The following CCDC171 variants were observed in gnomAD, a reference collection of about 807,000 sequenced individuals.
CCDC171 encodes the protein coiled-coil domain containing 171.
A neutral mutation model predicts 168.2 loss-of-function variants in CCDC171; 177 were observed. The observed-to-expected ratio is 1.05, with a 90% CI of 0.93 to 1.19. The LOEUF is 1.19. Ranked by LOEUF, CCDC171 falls within the 50% of genes most tolerant of loss-of-function variation. CCDC171 has a pLI of 0.00. For missense variants in CCDC171, 1,991 were observed against 1,539.0 expected (o/e 1.29, Z -4.91); for synonymous variants, 687 against 540.8 (o/e 1.27, Z -3.75).
chr9:15,909,089 C>T (rs1186380594), intron 24 of CCDC171, among the ~76,000 whole-genome samples: 2 of 152,110 alleles, frequency 1.3e-5, no homozygotes, highest in Non-Finnish European at 2.9e-5. Flanking sequence ...TTATATAAGT[C>T]TTTAAAAATA....
intron 18 of CCDC171, among the ~76,000 whole-genome samples, chr9:15,750,589 C>G (rs146219764): frequency 6.6e-6 from 1 of 151,156 alleles, no homozygotes; most frequent in Non-Finnish European, 1.5e-5. Context: ...CAAACCGAAT[C>G]CAGCAGCACA....
At chr9:15,958,682 A>C (rs10756726) in intron 25 of CCDC171, among the ~76,000 whole-genome samples, 47,361 of 151,804 alleles carry the variant, frequency 0.31, 9,236 homozygotes, top group East Asian at 0.62. Flanking sequence ...GGCAGCATGC[A>C]AAAGTGGCTC....
At position 15,819,229 on chromosome 9, in the gene CCDC171, C is replaced by T; in HGVS notation, c.3268-27473C>T. ...GGAAAGGAACAACTGGTACTAGCCA[C>T]TGCCAAAACATGCCAAATTGTAAAG... On this transcript the variant is annotated intron_variant, in intron 21 of 25. Transcript: ENST00000380701. Among the ~76,000 whole-genome samples the T allele has an allele frequency of 1.7e-5, 2 of 118,150 alleles. 1 individual carries two copies. The highest frequency in any genetic ancestry group is 3.8e-5 in the Non-Finnish European group (2 of 52,584). The allele number at this position is 118,150 out of a possible 152,430, so 77.5% of individuals were successfully genotyped here.
intron 3 of CCDC171, among the ~76,000 whole-genome samples, chr9:15,979,969 T>C (rs1831743312): frequency 6.6e-6 from 1 of 152,028 alleles, no homozygotes; most frequent in Non-Finnish European, 1.5e-5. Flanking sequence ...TGTGGTAAAA[T>C]ATACATAACA....
At chr9:15,914,635 C>T (rs1036780416) in intron 24 of CCDC171, among the ~76,000 whole-genome samples, 1 of 152,062 alleles carries the variant, frequency 6.6e-6, no homozygotes, top group African/African-American at 2.4e-5. Context: ...TGGCTTCAGG[C>T]CCCTTTCCAG....
chr9:15,998,122 C>T (rs1832427364), intron 3 of CCDC171, among the ~76,000 whole-genome samples: 1 of 152,134 alleles, frequency 6.6e-6, no homozygotes, highest in South Asian at 2.1e-4. Flanking sequence ...ACACCAAGTC[C>T]CCCAGAGAGA....
At chr9:16,029,884 T>C (rs971908794) in intron 6 of CCDC171, among the ~76,000 whole-genome samples, 6 of 152,214 alleles carry the variant, frequency 3.9e-5, no homozygotes, top group East Asian at 1.9e-4. Flanking sequence ...TGGGCTGTTA[T>C]GGCAAAATAC....
intron 18 of CCDC171, among the ~76,000 whole-genome samples, chr9:15,768,145 T>C (rs1308393342): frequency 6.6e-6 from 1 of 150,792 alleles, no homozygotes; most frequent in African/African-American, 2.4e-5. Flanking sequence ...AACCTAGACC[T>C]CATTCTTGAA....
chr9:15,629,409 C>T (rs2045479995), intron 7 of CCDC171, among the ~76,000 whole-genome samples: 1 of 152,066 alleles, frequency 6.6e-6, no homozygotes, highest in African/African-American at 2.4e-5. Context: ...ATGCTATCAA[C>T]TGGAAGAAAG....
chr9:15,929,801 A>G (rs551142216), intron 25 of CCDC171, among the ~76,000 whole-genome samples: 1 of 151,884 alleles, frequency 6.6e-6, no homozygotes, highest in South Asian at 2.1e-4. Flanking sequence ...AACATTTTCA[A>G]ACTTTTAAAG....
intron 2 of CCDC171, among the ~76,000 whole-genome samples, chr9:15,566,576 A>C (rs1176623883): frequency 1.3e-5 from 2 of 152,210 alleles, no homozygotes; most frequent in South Asian, 2.1e-4. Flanking sequence ...ACAACAACAA[A>C]AAATAAGATA....
the CCDC171 span, among the ~76,000 whole-genome samples, chr9:16,092,048 A>G: frequency 1.3e-5 from 2 of 152,158 alleles, no homozygotes; most frequent in African/African-American, 4.8e-5. Flanking sequence ...TGGTACATTT[A>G]TCCCAATTTT....
At chr9:15,869,970 C>A (rs2061964890) in intron 23 of CCDC171, among the ~76,000 whole-genome samples, 1 of 151,638 alleles carries the variant, frequency 6.6e-6, no homozygotes, top group Non-Finnish European at 1.5e-5. Flanking sequence ...AGGGGATGAC[C>A]AAGTTTTTCT....
chr9:16,099,298 T>G, the CCDC171 span, among the ~76,000 whole-genome samples: 1 of 152,188 alleles, frequency 6.6e-6, no homozygotes, highest in Non-Finnish European at 1.5e-5. Context: ...CCTGGTTTAT[T>G]CTGCTAAGTT....
chr9:15,985,061 CATATTTTTA>C lies in CCDC171; in HGVS notation n.369-35527_369-35519del, dbSNP rs146793631. On this transcript the variant is annotated intron_variant and non_coding_transcript_variant, in intron 3 of 9. Coordinates refer to the CCDC171 transcript ENST00000486641. Reference sequence around the variant, plus strand: ...AATTATGAATAATTTTTATTTTCTTCATATTTTTATAAATTTCTAAATTTCCTACAATGA... The same window carrying C: ...AATTATGAATAATTTTTATTTTCTTCTAAATTTCTAAATTTCCTACAATGA... Among the ~76,000 whole-genome samples the C allele has an allele frequency of 5.3e-3, 807 of 152,118 alleles. 3 individuals are homozygous for C. The highest frequency in any genetic ancestry group is 9.3e-3 in the Non-Finnish European group (634 of 67,982).
chr9:15,645,310 A>C (rs915738004), intron 7 of CCDC171, among the ~76,000 whole-genome samples: 7 of 150,296 alleles, frequency 4.7e-5, no homozygotes, highest in Non-Finnish European at 8.9e-5. Flanking sequence ...GAAAAGCTGA[A>C]AATTCTAAAA....
chr9:15,750,457 C>T (rs919416833), intron 18 of CCDC171, among the ~76,000 whole-genome samples: 1 of 152,164 alleles, frequency 6.6e-6, no homozygotes, highest in African/African-American at 2.4e-5. Flanking sequence ...TCCTCCCTAA[C>T]TCCTTTTATG....
chr9:15,853,933 G>A (rs997545692), intron 23 of CCDC171, among the ~76,000 whole-genome samples: 10 of 149,732 alleles, frequency 6.7e-5, no homozygotes, highest in African/African-American at 2.4e-4. Context: ...ACACCATTGT[G>A]TTCCTGAGAT....
chr9:15,576,692 G>T (rs924813953), intron 3 of CCDC171, among the ~76,000 whole-genome samples: 1 of 152,198 alleles, frequency 6.6e-6, no homozygotes, highest in Non-Finnish European at 1.5e-5. Flanking sequence ...AAACTGTTAA[G>T]AGTTAACTTA....
Sources: allele counts gnomAD v4.1 joint callset (sites outside exome capture counted in the v4.1 genomes callset), GRCh38; gene constraint gnomAD v4.1.1; transcripts MANE v1.5; gene names NCBI Gene and HGNC (gene_info 2026-07-23, HGNC 2026-07-21).